Variants in SHQ1 observed in about 807,000 individuals in gnomAD.
SHQ1 encodes protein SHQ1 homolog.
A neutral mutation model predicts 53.8 loss-of-function variants in SHQ1; 49 were observed. The ratio of observed to expected loss-of-function variants is 0.91; its 90% CI spans 0.72 to 1.16. The LOEUF (loss-of-function observed/expected upper bound fraction) is 1.16. Ranked by LOEUF, SHQ1 falls within the 50% of genes most tolerant of loss-of-function variation. The pLI is 0.00. For synonymous variants in SHQ1, 243 were observed against 251.0 expected, an observed-to-expected ratio of 0.97 and a Z score of 0.30; for missense variants, 738 against 683.1, an observed-to-expected ratio of 1.08 and a Z score of -0.90.
chr3:72,790,111 G>A (rs1367996203), intron 10 of SHQ1, among the ~76,000 whole-genome samples: 4 of 152,294 alleles, frequency 2.6e-5, no homozygotes, highest in Middle Eastern at 3.4e-3. Flanking sequence ...GGTAGGGAGC[G>A]TTCTTTTCAG....
intron 9 of SHQ1, among the ~76,000 whole-genome samples, chr3:72,800,727 T>C (rs1332967524): frequency 6.6e-6 from 1 of 152,256 alleles, no homozygotes; most frequent in East Asian, 1.9e-4. Flanking sequence ...TCAGTTAGCA[T>C]GTACTAGTTA....
downstream of SHQ1, among the ~76,000 whole-genome samples, chr3:72,746,501 G>C (rs181541450): frequency 1.4e-3 from 218 of 152,270 alleles, 1 homozygote; most frequent in African/African-American, 5.0e-3. Context: ...ACAGAGTAAC[G>C]TGATATAACA....
At chr3:72,735,750 A>AAGGAAGGAAGGAAGGAAGGAAGGCAGGC in the SHQ1 span, among the ~76,000 whole-genome samples, 1 of 122,630 alleles carries the variant, frequency 8.2e-6, no homozygotes, top group African/African-American at 3.2e-5. Flanking sequence ...GGAAGGAAGG[A>AAGGAAGGAAGGAAGGAAGGAAGGCAGGC]AGGCAGGCAG....
rs1707147098 is a variant in SHQ1 at position 72,812,242 on chromosome 3, A to C, written c.1060+429T>G. The stretch of plus-strand genomic sequence containing the variant: ...GACTTCTCCCAGCAGAGTACTTTTC[A>C]CTCTCTTTGGAATTGCTAACTTACC... On this transcript the variant is annotated intron_variant, in intron 9 of 10. Transcript: ENST00000325599. 1.3e-5 allele frequency among the ~76,000 whole-genome samples: 2 copies of C among 151,856 alleles called. 1 individual carries two copies. The highest frequency in any genetic ancestry group is 4.2e-4 in the South Asian group (2 of 4,806).
chr3:72,815,792 T>C (rs1364567399), intron 7 of SHQ1, among the ~76,000 whole-genome samples: 1 of 152,208 alleles, frequency 6.6e-6, no homozygotes, highest in Non-Finnish European at 1.5e-5. Flanking sequence ...GTTGAAGTAT[T>C]ACCTGTGGCA....
chr3:72,796,213 T>G (rs868654243), intron 9 of SHQ1, among the ~76,000 whole-genome samples: 6 of 150,456 alleles, frequency 4.0e-5, no homozygotes, highest in Admixed American at 2.7e-4. Context: ...AATAAGCAGA[T>G]GAGTTTGGTA....
chr3:72,782,525 G>C (rs1370525405), intron 10 of SHQ1, among the ~76,000 whole-genome samples: 3 of 152,186 alleles, frequency 2.0e-5, no homozygotes, highest in Non-Finnish European at 4.4e-5. Flanking sequence ...AGTCAGAGCA[G>C]GAAATGGGAC....
intron 9 of SHQ1, among the ~76,000 whole-genome samples, chr3:72,804,441 C>T (rs1305374137): frequency 6.6e-6 from 1 of 151,646 alleles, no homozygotes; most frequent in East Asian, 1.9e-4. Flanking sequence ...CGCCACCCTC[C>T]GAAAGGCCCC....
At chr3:72,771,052 A>G (rs1705838451) in intron 10 of SHQ1, among the ~76,000 whole-genome samples, 1 of 152,212 alleles carries the variant, frequency 6.6e-6, no homozygotes, top group South Asian at 2.1e-4. Flanking sequence ...TTGACCTTAG[A>G]GGTCAGACTG....
intron 9 of SHQ1, among the ~76,000 whole-genome samples, chr3:72,802,493 C>T (rs985472977): frequency 2.0e-5 from 3 of 152,180 alleles, no homozygotes; most frequent in Middle Eastern, 3.2e-3. Context: ...CCTTTCAGCC[C>T]GGTCCCAGCA....
intron 9 of SHQ1, among the ~76,000 whole-genome samples, chr3:72,812,466 G>C (rs111332500): frequency 2.6e-5 from 4 of 151,964 alleles, no homozygotes; most frequent in Non-Finnish European, 5.9e-5. Flanking sequence ...TACTCCTCTC[G>C]GAAAAGAGTC....
In SHQ1 at chr3:72,753,004, T is replaced by C. The variant is rs770431919; in HGVS notation, c.1182-2168A>G. ...TAAATTACCTGCTAGATTTATAATA[T>C]TACATTGTATCGAGTAAATAAACTT... On this transcript the variant is annotated intron_variant, in intron 10 of 10. Coordinates refer to ENST00000325599, the MANE Select transcript of SHQ1 (RefSeq NM_018130.3). 1.8e-4 allele frequency: 174 copies of C among 985,272 alleles called. 1 individual carries two copies. Among genetic ancestry groups the C allele is most frequent in the Non-Finnish European group, 2.1e-4 (171 of 829,898 alleles). The allele number at this position is 985,272 out of a possible 1,614,324, so 61.0% of individuals were successfully genotyped here.
intron 10 of SHQ1, among the ~76,000 whole-genome samples, chr3:72,752,485 G>A (rs1705406733): frequency 6.6e-6 from 1 of 152,062 alleles, no homozygotes; most frequent in African/African-American, 2.4e-5. Context: ...CAGCAGCATG[G>A]AGTGCTTTTT....
intron 10 of SHQ1, among the ~76,000 whole-genome samples, chr3:72,755,609 C>A (rs1158539837): frequency 1.3e-5 from 2 of 152,090 alleles, no homozygotes; most frequent in African/African-American, 4.8e-5. Context: ...CTAGCAATCA[C>A]TGTTCACAAA....
At chr3:72,734,691 A>C in the SHQ1 span, among the ~76,000 whole-genome samples, 1 of 151,748 alleles carries the variant, frequency 6.6e-6, no homozygotes. Flanking sequence ...GTACTAAGTC[A>C]GACCTATAGA....
chr3:72,729,014 C>T, the SHQ1 span, among the ~76,000 whole-genome samples: 1,159 of 152,322 alleles, frequency 7.6e-3, 7 homozygotes, highest in Non-Finnish European at 0.012. Context: ...ACAAACCTCA[C>T]GTCCCATCTG....
At chr3:72,761,452 A>G (rs926212312) in intron 10 of SHQ1, among the ~76,000 whole-genome samples, 1 of 152,214 alleles carries the variant, frequency 6.6e-6, no homozygotes, top group Non-Finnish European at 1.5e-5. Flanking sequence ...GATTATAGGC[A>G]TAAGCTACTG....
the SHQ1 span, among the ~76,000 whole-genome samples, chr3:72,742,611 C>CTT: frequency 7.8e-6 from 1 of 128,528 alleles, no homozygotes. Flanking sequence ...CTTTTTTTTT[C>CTT]TTTTTTTCTT....
chr3:72,788,475 C>T (rs1226124951), intron 10 of SHQ1, among the ~76,000 whole-genome samples: 3 of 151,756 alleles, frequency 2.0e-5, no homozygotes, highest in Admixed American at 1.3e-4. Context: ...CGTCTCCGCC[C>T]GGCAGCCGCC....
Sources: allele counts gnomAD v4.1 joint callset (sites outside exome capture counted in the v4.1 genomes callset), GRCh38; gene constraint gnomAD v4.1.1; transcripts MANE v1.5; gene names NCBI Gene and HGNC (gene_info 2026-07-23, HGNC 2026-07-21).